HPS4: variants seen among roughly 807,000 people sequenced by gnomAD.
The protein encoded by HPS4 is BLOC-3 complex member HPS4.
Under a neutral mutation model 70.3 loss-of-function variants are expected in HPS4, and 44 were observed. The observed-to-expected ratio is 0.63, with a 90% CI of 0.49 to 0.80. The LOEUF is 0.80. HPS4 is among the 30% of genes least tolerant of loss of function. The probability of loss-of-function intolerance (pLI) is 0.00; values close to 1 mark genes in which losing one functional copy is unlikely to be tolerated. For missense variants in HPS4, 873 were observed against 884.4 expected (o/e 0.99, Z 0.16); for synonymous variants, 377 against 355.9 (o/e 1.06, Z -0.67).
chr22:26,456,755 G>A (rs2086207810), intron 13 of HPS4, among the ~76,000 whole-genome samples: 2 of 152,112 alleles, frequency 1.3e-5, no homozygotes, highest in Non-Finnish European at 2.9e-5. Context: ...CTGCTAACTT[G>A]CTTTATTTTC....
intron 12 of HPS4, 90 bp from the exon 13 acceptor site, chr22:26,458,057 A>C: frequency 9.1e-7 from 1 of 1,104,830 alleles, no homozygotes; most frequent in Non-Finnish European, 1.3e-6. Flanking sequence ...ACGGGGACTG[A>C]GCACGGCTCA....
chr22:26,453,383 G>T lies in HPS4; in HGVS notation c.1977C>A (p.Tyr659Ter). The change falls in exon 14 of 14, where the codon TAC (tyrosine) becomes TAA (stop). Residue 659 changes from tyrosine to a stop codon, truncating the protein, a stop_gained. Coordinates refer to ENST00000398145, the MANE Select transcript of HPS4 (RefSeq NM_022081.6). LOFTEE classifies it high-confidence loss of function. The stretch of plus-strand genomic sequence containing the variant: ...TCTCCTGGATGGGGTTGCAACAGGC[G>T]TACACAGCCGTGGAGGCATTTCTGT... ...MTVRNASTAV[Y>*]ACCNPIQETY... is the part of the protein sequence containing the mutation. 6.2e-7 allele frequency: 1 copy of T among 1,614,146 alleles called. No homozygotes were observed. Among genetic ancestry groups the T allele is most frequent in the Non-Finnish European group, 8.5e-7 (1 of 1,180,038 alleles).
intron 4 of HPS4, among the ~76,000 whole-genome samples, chr22:26,473,798 C>G (rs1464214856): frequency 1.3e-5 from 2 of 152,024 alleles, no homozygotes; most frequent in Admixed American, 1.3e-4. Context: ...GTTTAAAGAG[C>G]CTGAAAAAGT....
At chr22:26,479,671 C>A in intron 2 of HPS4, 4 of 1,205,156 alleles carry the variant, frequency 3.3e-6, no homozygotes, top group Non-Finnish European at 4.1e-6. Flanking sequence ...AACTATACAA[C>A]CACATGGTCT....
chr22:26,481,667 A>G, intron 2 of HPS4, 55 bp downstream of exon 2: 2 of 1,549,946 alleles, frequency 1.3e-6, no homozygotes, highest in Non-Finnish European at 1.8e-6. Context: ...ATTAACCCCA[A>G]AACTCTAACC....
intron 11 of HPS4, among the ~76,000 whole-genome samples, chr22:26,463,079 G>A (rs558310915): frequency 2.0e-5 from 3 of 152,196 alleles, no homozygotes; most frequent in Non-Finnish European, 4.4e-5. Flanking sequence ...GACACCATTT[G>A]CCCTGCAGCA....
chr22:26,465,635 C>T, intron 9 of HPS4, 84 bp from the exon 10 acceptor site: 1 of 1,124,628 alleles, frequency 8.9e-7, no homozygotes, highest in Middle Eastern at 2.4e-4. Context: ...CGTGATGCAT[C>T]CAACCCACAC....
At chr22:26,477,576 A>G (rs939510879) in intron 3 of HPS4, among the ~76,000 whole-genome samples, 2 of 152,202 alleles carry the variant, frequency 1.3e-5, no homozygotes, top group Non-Finnish European at 1.5e-5. Flanking sequence ...GTCAGAGCAC[A>G]GTCACAGGAG....
At chr22:26,470,989 T>A in intron 6 of HPS4, 176 bp from the exon 7 acceptor site, 1 of 1,354,714 alleles carries the variant, frequency 7.4e-7, no homozygotes, top group Non-Finnish European at 1.0e-6. Context: ...TACCTCTCTA[T>A]ACTCAGAACT....
At chr22:26,478,552 CAG>C (rs1000991498) in intron 3 of HPS4, among the ~76,000 whole-genome samples, 3 of 116,680 alleles carry the variant, frequency 2.6e-5, no homozygotes, top group African/African-American at 1.0e-4. Context: ...CCCTGGGTGA[CAG>C]AGTGAGCCTC....
intron 6 of HPS4, chr22:26,471,459 TC>T: frequency 2.2e-6 from 1 of 451,130 alleles, no homozygotes; most frequent in South Asian, 1.6e-5. Context: ...TCCTCAGACT[TC>T]CACCTGCCAG....
intron 13 of HPS4, among the ~76,000 whole-genome samples, 170 bp downstream of exon 13, chr22:26,457,689 G>A (rs2086399525): frequency 6.6e-6 from 1 of 152,246 alleles, no homozygotes; most frequent in African/African-American, 2.4e-5. Flanking sequence ...GCACGTGACT[G>A]CACAACAGTG....
At chr22:26,479,238 T>C in intron 3 of HPS4, 27 bp downstream of exon 3, 2 of 1,613,592 alleles carry the variant, frequency 1.2e-6, no homozygotes, top group Non-Finnish European at 1.7e-6. Context: ...GGATCCTCAC[T>C]GAACAATAAA....
intron 11 of HPS4, among the ~76,000 whole-genome samples, chr22:26,461,043 T>C (rs981896027): frequency 2.6e-5 from 4 of 152,238 alleles, no homozygotes; most frequent in Admixed American, 6.5e-5. Context: ...TGCTACATAA[T>C]GTGATCCTCA....
At chr22:26,465,334 A>G in intron 10 of HPS4, 121 bp downstream of exon 10, 1 of 747,738 alleles carries the variant, frequency 1.3e-6, no homozygotes, top group Admixed American at 2.0e-5. Flanking sequence ...TTTACAAGAC[A>G]GGGCATGGGG....
At chr22:26,456,595 G>A (rs896734909) in intron 13 of HPS4, among the ~76,000 whole-genome samples, 10 of 152,184 alleles carry the variant, frequency 6.6e-5, no homozygotes, top group Admixed American at 2.6e-4. Flanking sequence ...GGAGACAGAG[G>A]TTGCAATGAG....
At chr22:26,472,098 A>G (rs1035901262) in intron 6 of HPS4, among the ~76,000 whole-genome samples, 2 of 152,210 alleles carry the variant, frequency 1.3e-5, no homozygotes, top group African/African-American at 4.8e-5. Flanking sequence ...TTGATCATCA[A>G]AACAGTTCAA....
At chr22:26,468,735 G>A (rs1434726924) in intron 7 of HPS4, 112 bp from the exon 8 acceptor site, 3 of 976,026 alleles carry the variant, frequency 3.1e-6, no homozygotes, top group South Asian at 1.4e-5. Flanking sequence ...GGACTTGGCT[G>A]GTGGGAGTTT....
rs2090646363 is a variant in HPS4, at chr22:26,477,060, G to A, written c.209C>T (p.Ser70Phe). ...TCTCAGACGAACAAGAGTAGGAGGA[G>A]AGTCAGAAATGTCAGAAACACAGCG... ...VVRCVSDISD[S>F]PPTLVRLRKL... is the part of the protein sequence containing the mutation. Residue 70 changes from serine (S) to phenylalanine (F), a missense_variant, in exon 4 of 14, where the codon TCT becomes TTT. Physicochemically the swap from Ser to Phe is radical, Grantham distance 155. Transcript: ENST00000398145. 1.9e-6 allele frequency: 3 copies of A among 1,614,012 alleles called. No homozygotes were observed. The highest frequency in any genetic ancestry group is 1.1e-5 in the South Asian group (1 of 91,084).
Sources: allele counts gnomAD v4.1 joint callset (sites outside exome capture counted in the v4.1 genomes callset), GRCh38; gene constraint gnomAD v4.1.1; transcripts MANE v1.5; gene names NCBI Gene and HGNC (gene_info 2026-07-23, HGNC 2026-07-21).